Variants in RANBP2 observed in about 807,000 individuals in gnomAD.
RANBP2 encodes the protein RAN binding protein 2.
Under a neutral mutation model 303.6 loss-of-function variants are expected in RANBP2, and 57 were observed. That is an observed-to-expected ratio of 0.19 (90% CI 0.15 to 0.23). The LOEUF is 0.23. RANBP2 is among the 10% of genes least tolerant of loss of function. The pLI is 1.00. For synonymous variants in RANBP2, 1,167 were observed against 1,301.5 expected (o/e 0.90, Z 2.23); for missense variants, 3,138 against 3,780.8 (o/e 0.83, Z 4.46).
the RANBP2 span, among the ~76,000 whole-genome samples, chr2:109,244,403 T>G: frequency 4.6e-5 from 7 of 152,338 alleles, no homozygotes; most frequent in African/African-American, 1.4e-4. Flanking sequence ...AATACTATAT[T>G]CAGTCTTTAG....
the RANBP2 span, among the ~76,000 whole-genome samples, chr2:109,305,865 C>T: frequency 2.6e-5 from 4 of 152,222 alleles, no homozygotes; most frequent in Non-Finnish European, 5.9e-5. Flanking sequence ...GAAAGCAATC[C>T]ACGCAGAGCC....
the RANBP2 span, among the ~76,000 whole-genome samples, chr2:109,389,663 G>A: frequency 1.3e-5 from 2 of 152,138 alleles, no homozygotes; most frequent in Admixed American, 1.3e-4. Flanking sequence ...TAACTTGTTA[G>A]TTTTAATTTC....
the RANBP2 span, among the ~76,000 whole-genome samples, chr2:109,638,751 G>A: frequency 5.9e-5 from 9 of 151,926 alleles, no homozygotes; most frequent in Admixed American, 2.6e-4. Flanking sequence ...TTCTTTTAAC[G>A]GCTCATTCAT....
the RANBP2 span, among the ~76,000 whole-genome samples, chr2:109,017,184 C>T: frequency 6.6e-6 from 1 of 152,268 alleles, no homozygotes; most frequent in Admixed American, 6.5e-5. Flanking sequence ...CTTTGCCATT[C>T]TCTGCGTGCC....
chr2:109,273,812 G>T, the RANBP2 span, among the ~76,000 whole-genome samples: 1 of 152,152 alleles, frequency 6.6e-6, no homozygotes. Flanking sequence ...TGCTGCTTGA[G>T]ACCAGGCTCA....
chr2:109,398,878 A>G, the RANBP2 span: 6 of 1,613,818 alleles, frequency 3.7e-6, no homozygotes, highest in Non-Finnish European at 4.2e-6. Flanking sequence ...GATCAGCTCC[A>G]GCGATCCCCG....
the RANBP2 span, among the ~76,000 whole-genome samples, chr2:109,334,687 A>G: frequency 6.6e-6 from 1 of 152,224 alleles, no homozygotes; most frequent in Non-Finnish European, 1.5e-5. Context: ...GGAGACCCAC[A>G]GACACAGGGA....
the RANBP2 span, among the ~76,000 whole-genome samples, chr2:109,078,122 T>TC: frequency 1.5e-5 from 1 of 64,898 alleles, no homozygotes; most frequent in Admixed American, 1.9e-4. Flanking sequence ...ATATATAGCG[T>TC]GTATATATAT....
At chr2:109,049,195 G>C in the RANBP2 span, among the ~76,000 whole-genome samples, 6 of 152,200 alleles carry the variant, frequency 3.9e-5, no homozygotes, top group African/African-American at 1.4e-4. Context: ...TGTTGGAACA[G>C]GGAGTTTACA....
chr2:109,593,246 A>C, the RANBP2 span: 1 of 523,460 alleles, frequency 1.9e-6, no homozygotes, highest in Middle Eastern at 2.8e-4. Flanking sequence ...TTTGATGTGT[A>C]GTCTACATTA....
the RANBP2 span, among the ~76,000 whole-genome samples, chr2:109,721,458 C>T: frequency 6.6e-6 from 1 of 152,116 alleles, no homozygotes; most frequent in African/African-American, 2.4e-5. Context: ...CCTCCGCAGG[C>T]AGGTATCAGA....
the RANBP2 span, among the ~76,000 whole-genome samples, chr2:109,404,135 G>C: frequency 6.6e-6 from 1 of 152,186 alleles, no homozygotes; most frequent in Admixed American, 6.5e-5. Flanking sequence ...GGTAAGAAGT[G>C]GGTGTGGCCG....
the RANBP2 span, among the ~76,000 whole-genome samples, chr2:109,039,651 C>T: frequency 2.0e-3 from 301 of 152,224 alleles, 1 homozygote; most frequent in Middle Eastern, 6.8e-3. Context: ...GCCCGGCCTT[C>T]AGATGTTTTT....
At chr2:109,017,509 C>G in the RANBP2 span, among the ~76,000 whole-genome samples, 2 of 152,222 alleles carry the variant, frequency 1.3e-5, no homozygotes, top group Non-Finnish European at 2.9e-5. Flanking sequence ...CACTTCCAGC[C>G]TCTTTCCTCA....
At chr2:108,821,014 G>A in the RANBP2 span, among the ~76,000 whole-genome samples, 2 of 54,500 alleles carry the variant, frequency 3.7e-5, no homozygotes, top group Non-Finnish European at 9.0e-5. Flanking sequence ...ACAGACAAAA[G>A]TATTAAAAAA....
chr2:108,788,146 C>T (rs1679234139), downstream of RANBP2: 10 of 1,555,960 alleles, frequency 6.4e-6, no homozygotes, highest in East Asian at 4.6e-5. Context: ...AGGCTGGGCG[C>T]GGTGGCTCAC....
chr2:109,010,541 AGTTCCCGGTGAGGCTTG>A, the RANBP2 span, among the ~76,000 whole-genome samples: 2 of 152,206 alleles, frequency 1.3e-5, no homozygotes, highest in African/African-American at 4.8e-5. Flanking sequence ...TGGCCGATTC[AGTTCCCGGTGAGGCTTG>A]CAGATGGCTG....
chr2:109,485,808 C>T, the RANBP2 span, among the ~76,000 whole-genome samples: 1 of 152,258 alleles, frequency 6.6e-6, no homozygotes, highest in East Asian at 1.9e-4. Context: ...TGTTCCGTGC[C>T]TGGGCACAGG....
At chr2:109,444,636 A>G in the RANBP2 span, among the ~76,000 whole-genome samples, 1 of 152,344 alleles carries the variant, frequency 6.6e-6, no homozygotes, top group South Asian at 2.1e-4. Context: ...GGACTAGCTC[A>G]GCACCCTCTC....
Sources: gnomAD v4.1 joint callset for allele counts (sites outside exome capture counted in the v4.1 genomes callset) on GRCh38, gnomAD v4.1.1 for gene constraint, MANE v1.5 for transcripts, NCBI Gene and HGNC (gene_info 2026-07-23, HGNC 2026-07-21) for gene names.